The following RP1 variants were observed in gnomAD, a reference collection of about 807,000 sequenced individuals.
The protein encoded by RP1 is oxygen-regulated protein 1.
In RP1, 16 loss-of-function variants were observed where a neutral mutation model predicts 14.8. The ratio of observed to expected loss-of-function variants is 1.08; its 90% CI spans 0.73 to 1.65. The LOEUF is 1.65. Ranked by LOEUF, RP1 falls within the 40% of genes most tolerant of loss-of-function variation. The pLI is 0.00. For synonymous variants in RP1, 876 were observed against 883.6 expected (o/e 0.99, Z 0.15); for missense variants, 2,631 against 2,535.0 (o/e 1.04, Z -0.81).
chr8:54,751,038 T>G (rs565703674), intron 19 of RP1, among the ~76,000 whole-genome samples: 1 of 152,310 alleles, frequency 6.6e-6, no homozygotes, highest in East Asian at 1.9e-4. Context: ...TGCTCACTCT[T>G]TGGGTCCGTG....
At chr8:54,677,802 CAAT>C (rs1251808942) in intron 8 of RP1, among the ~76,000 whole-genome samples, 1 of 151,996 alleles carries the variant, frequency 6.6e-6, no homozygotes, top group East Asian at 1.9e-4. Flanking sequence ...CTCACCAACT[CAAT>C]AATTTTAATT....
chr8:54,769,703 T>C, intron 22 of RP1: 1 of 1,290,576 alleles, frequency 7.7e-7, no homozygotes, highest in Non-Finnish European at 1.1e-6. Context: ...CTCTATTTTC[T>C]CCTCTCTCTT....
At chr8:54,871,084 C>G (rs993503752) in exon 29 of RP1, 1 of 152,072 alleles carries the variant, frequency 6.6e-6, no homozygotes, top group African/African-American at 2.4e-5. Context: ...ATATTTTCTT[C>G]CTTGAACTGT....
At chr8:54,662,627 G>T (rs554470280) in intron 6 of RP1, among the ~76,000 whole-genome samples, 4 of 152,246 alleles carry the variant, frequency 2.6e-5, no homozygotes, top group African/African-American at 4.8e-5. Flanking sequence ...TCCCTTTCCT[G>T]CCTCCTGAAC....
chr8:54,762,610 T>A (rs1266876287), intron 22 of RP1, among the ~76,000 whole-genome samples: 1 of 152,250 alleles, frequency 6.6e-6, no homozygotes, highest in Non-Finnish European at 1.5e-5. Context: ...CAACTGACTT[T>A]ATGAATTAAT....
intron 24 of RP1, among the ~76,000 whole-genome samples, chr8:54,796,751 C>G (rs1810584476): frequency 6.6e-6 from 1 of 152,036 alleles, no homozygotes; most frequent in Non-Finnish European, 1.5e-5. Context: ...TTCCAGGATC[C>G]AGAATGGTGA....
intron 27 of RP1, chr8:54,857,250 A>G (rs1812226246): frequency 5.2e-6 from 1 of 193,410 alleles, no homozygotes; most frequent in African/African-American, 2.4e-5. Context: ...ATTTAATGTA[A>G]ATATATGAAG....
At chr8:54,572,802 C>T (rs1336883978) in intron 1 of RP1, among the ~76,000 whole-genome samples, 6 of 152,148 alleles carry the variant, frequency 3.9e-5, no homozygotes, top group African/African-American at 1.4e-4. Context: ...TCTTGGCTCA[C>T]CCTGCTGGTC....
chr8:54,564,312 A>C lies in RP1; in HGVS notation c.-13+4992A>C, dbSNP rs143600381. On this transcript the variant is annotated intron_variant, in intron 1 of 22. Coordinates refer to the RP1 transcript ENST00000636932. ...TGCAGGTACTGAGCTCATTTGCTGC[A>C]GAGGGGTGGGGTGAGGACTCTGGAG... Among the ~76,000 whole-genome samples the C allele has an allele frequency of 2.7e-4, 41 of 152,286 alleles. No individual in the cohort carries two copies. In the East Asian group the frequency reaches 7.7e-3, roughly 29 times the overall value.
At position 54,625,540 on chromosome 8, in the gene RP1, C is replaced by T. The variant is rs1180682166; in HGVS notation, c.1658C>T (p.Thr553Ile). Reference sequence around the variant, plus strand: ...ATAAGTGCTGGTGTTATAGAAATTACAAGTCAGAAGATGTTAGAGATGTCA... The same window carrying T: ...ATAAGTGCTGGTGTTATAGAAATTATAAGTCAGAAGATGTTAGAGATGTCA... ...SAISAGVIEI[T>I]SQKMLEMSHN... Residue 553 changes from threonine (T) to isoleucine (I), a missense_variant, in exon 4 of 4, where the codon ACA becomes ATA. By Grantham distance (89) the Thr-to-Ile change is moderately conservative. Coordinates refer to ENST00000220676, the MANE Select transcript of RP1 (RefSeq NM_006269.2). 6.2e-7 allele frequency: 1 copy of T among 1,613,890 alleles called. No homozygotes were observed. Among genetic ancestry groups the T allele is most frequent in the East Asian group, 2.2e-5 (1 of 44,882 alleles).
At chr8:54,744,317 G>A (rs1027768724) in intron 19 of RP1, among the ~76,000 whole-genome samples, 1 of 151,970 alleles carries the variant, frequency 6.6e-6, no homozygotes, top group African/African-American at 2.4e-5. Context: ...CTCAAAAGGG[G>A]AAGAGGGCAA....
At chr8:54,710,106 A>G (rs114263075) in intron 15 of RP1, among the ~76,000 whole-genome samples, 3,684 of 152,260 alleles carry the variant, frequency 0.024, 162 homozygotes, top group African/African-American at 0.083. Context: ...GGCAACCAGA[A>G]CATGAGGGAG....
chr8:54,806,112 G>A (rs766581500), intron 24 of RP1, among the ~76,000 whole-genome samples: 31 of 152,042 alleles, frequency 2.0e-4, no homozygotes, highest in Admixed American at 2.6e-4. Flanking sequence ...TTCGCCTCCC[G>A]GATTCAAGGG....
At chr8:54,867,965 T>C (rs1306756865) in intron 28 of RP1, among the ~76,000 whole-genome samples, 6 of 152,344 alleles carry the variant, frequency 3.9e-5, no homozygotes, top group Non-Finnish European at 7.4e-5. Context: ...TTTGGTTTTA[T>C]ATCACATCTA....
intron 7 of RP1, among the ~76,000 whole-genome samples, chr8:54,672,107 T>A (rs922271731): frequency 2.0e-5 from 3 of 152,144 alleles, no homozygotes; most frequent in African/African-American, 7.2e-5. Flanking sequence ...TTGTTTCTTA[T>A]CCAGAGCCCA....
chr8:54,745,992 A>G (rs1188609629), intron 19 of RP1, among the ~76,000 whole-genome samples: 1 of 152,220 alleles, frequency 6.6e-6, no homozygotes, highest in East Asian at 1.9e-4. Flanking sequence ...CAAAAAAGAA[A>G]ATGATTGTTT....
chr8:54,775,148 C>A (rs556991652), intron 23 of RP1, among the ~76,000 whole-genome samples: 1 of 152,030 alleles, frequency 6.6e-6, no homozygotes, highest in South Asian at 2.1e-4. Context: ...GAACTGCTAA[C>A]CTAGAAAATA....
intron 1 of RP1, among the ~76,000 whole-genome samples, chr8:54,581,988 C>A (rs1289136108): frequency 4.6e-5 from 7 of 152,296 alleles, no homozygotes; most frequent in Non-Finnish European, 1.0e-4. Flanking sequence ...TTCTGCTGTG[C>A]AGAAGCTCTT....
At chr8:54,563,406 C>T (rs1390930649) in intron 1 of RP1, among the ~76,000 whole-genome samples, 2 of 152,200 alleles carry the variant, frequency 1.3e-5, no homozygotes, top group Non-Finnish European at 2.9e-5. Flanking sequence ...CAGTTACCTC[C>T]CCGGGTACCC....
Sources: gnomAD v4.1 joint callset for allele counts (sites outside exome capture counted in the v4.1 genomes callset) on GRCh38, gnomAD v4.1.1 for gene constraint, MANE v1.5 for transcripts, NCBI Gene and HGNC (gene_info 2026-07-23, HGNC 2026-07-21) for gene names.